TAOK3: variants seen among roughly 807,000 people sequenced by gnomAD.
TAOK3 encodes the protein serine/threonine-protein kinase TAO3.
Under a neutral mutation model 120.4 loss-of-function variants are expected in TAOK3, and 40 were observed. The ratio of observed to expected loss-of-function variants is 0.33; its 90% confidence interval spans 0.26 to 0.43. The LOEUF (loss-of-function observed/expected upper bound fraction) is 0.43. Among genes scored for constraint, TAOK3 ranks in the 20% least tolerant of loss-of-function variants. The pLI, the probability that TAOK3 is intolerant of heterozygous loss-of-function variation, is 1.00. For missense variants in TAOK3, 821 were observed against 1,112.1 expected (o/e 0.74, Z 3.72); for synonymous variants, 355 against 387.5 (o/e 0.92, Z 0.99).
At chr12:118,352,322 G>A (rs2045207138) in intron 1 of TAOK3, among the ~76,000 whole-genome samples, 1 of 151,728 alleles carries the variant, frequency 6.6e-6, no homozygotes, top group Admixed American at 6.6e-5. Flanking sequence ...TGACCAACAT[G>A]GTGAAACCCT....
rs755938398 is a variant in TAOK3, at chr12:118,214,021, C to CATTA, written c.729_732dup (p.Glu245Ter). ...AAAATGATAGCAGAGTCTTACCATT[C>CATTA]ATTAGACTGTAACGTTGGGGAGTCA... On this transcript the variant is annotated stop_gained and frameshift_variant, in exon 10 of 21. Transcript: ENST00000392533. LOFTEE classifies it high-confidence loss of function. The CATTA allele has an allele frequency of 1.2e-6, 2 of 1,608,592 alleles. No individual in the cohort carries two copies. The highest frequency in any genetic ancestry group is 1.7e-6 in the Non-Finnish European group (2 of 1,176,394).
At chr12:118,237,316 A>G (rs952605956) in intron 7 of TAOK3, among the ~76,000 whole-genome samples, 3 of 152,162 alleles carry the variant, frequency 2.0e-5, no homozygotes, top group Non-Finnish European at 2.9e-5. Flanking sequence ...CAGATTCTTC[A>G]TACCTAATAT....
At chr12:118,247,024 T>A (rs2040545380) in intron 3 of TAOK3, 1 of 799,780 alleles carries the variant, frequency 1.3e-6, no homozygotes. Flanking sequence ...ATAAAAGAAT[T>A]TATACCAGAA....
At position 118,321,243 on chromosome 12, in the gene TAOK3, C is replaced by CACACACACACAAACAT. The variant is rs2043691767; in HGVS notation, c.-194+51389_-194+51404dup. ...TAACATGTATACATGCAAATACACA[C>CACACACACACAAACAT]ACACACACACAAACATACACACACA... On this transcript the variant is annotated intron_variant, in intron 1 of 20. Coordinates refer to ENST00000392533, the MANE Select transcript of TAOK3 (RefSeq NM_016281.4). Among the ~76,000 whole-genome samples the CACACACACACAAACAT allele has an allele frequency of 2.0e-5, 3 of 152,076 alleles. No individual in the cohort carries two copies. The South Asian group carries it at 6.2e-4, about 32-fold the overall frequency.
Position 118,160,613 on chromosome 12 carries a change from C to T in TAOK3, c.2140-255G>A, listed in dbSNP as rs1041946984. ...GGGTCAAAGAAAATATGGACTGTTA[C>T]AAGGGGATGACAACTCTAAGCAGAT... On this transcript the variant is annotated intron_variant, in intron 18 of 20. Transcript: ENST00000392533. The surrounding 1 kb of genome is among the most constrained non-coding windows in gnomAD (Gnocchi z 4.2). 2.0e-5 allele frequency among the ~76,000 whole-genome samples: 3 copies of T among 152,150 alleles called. No individual in the cohort carries two copies. Among genetic ancestry groups the T allele is most frequent in the Admixed American group, 6.5e-5 (1 of 15,274 alleles).
chr12:118,166,610 T>C (rs977912748), intron 17 of TAOK3, among the ~76,000 whole-genome samples: 7 of 151,572 alleles, frequency 4.6e-5, no homozygotes, highest in Admixed American at 6.6e-5. Context: ...TGTGATAAAA[T>C]ATTTTGAAGA....
intron 1 of TAOK3, among the ~76,000 whole-genome samples, chr12:118,341,789 C>T (rs2044630860): frequency 6.6e-6 from 1 of 152,176 alleles, no homozygotes; most frequent in South Asian, 2.1e-4. Flanking sequence ...TTTGGGAGGC[C>T]TAGGCAGGTG....
chr12:118,336,226 T>C (rs1420556682), intron 1 of TAOK3, among the ~76,000 whole-genome samples: 1 of 152,174 alleles, frequency 6.6e-6, no homozygotes, highest in African/African-American at 2.4e-5. Context: ...CAGTTTGTGC[T>C]GGTAGAGAGA....
chr12:118,275,240 G>A lies in TAOK3; in HGVS notation c.-193-8481C>T, dbSNP rs537325584. Reference sequence around the variant, plus strand: ...TGTAGCTTCAACCTCTGGGGTTCAAGCAGCCCTCTTGTCTCAGCCTTCCAA... The same window carrying A: ...TGTAGCTTCAACCTCTGGGGTTCAAACAGCCCTCTTGTCTCAGCCTTCCAA... On this transcript the variant is annotated intron_variant, in intron 1 of 20. Transcript: ENST00000392533. 2.6e-4 allele frequency among the ~76,000 whole-genome samples: 40 copies of A among 152,200 alleles called. 1 individual carries two copies. In the South Asian group the frequency reaches 8.1e-3, roughly 31 times the overall value.
chr12:118,320,042 T>C (rs2043635719), intron 1 of TAOK3, among the ~76,000 whole-genome samples: 1 of 152,144 alleles, frequency 6.6e-6, no homozygotes, highest in African/African-American at 2.4e-5. Context: ...GAAGTACTGA[T>C]AGATGTTACA....
chr12:118,230,514 C>T (rs888545314), intron 9 of TAOK3, among the ~76,000 whole-genome samples: 3 of 132,912 alleles, frequency 2.3e-5, no homozygotes, highest in African/African-American at 8.8e-5. Flanking sequence ...CTCTGTCACC[C>T]AGGCTGGAGT....
chr12:118,357,441 C>CT (rs2045444915), intron 1 of TAOK3, among the ~76,000 whole-genome samples: 1 of 152,172 alleles, frequency 6.6e-6, no homozygotes, highest in South Asian at 2.1e-4. Flanking sequence ...TCAGTGTGAT[C>CT]TTTGCAGATC....
chr12:118,256,541 G>A (rs936297262), intron 2 of TAOK3, among the ~76,000 whole-genome samples: 1 of 152,160 alleles, frequency 6.6e-6, no homozygotes, highest in African/African-American at 2.4e-5. Flanking sequence ...TAAACAAAAT[G>A]TGGTATATCC....
chr12:118,227,243 T>G (rs2039549708), intron 9 of TAOK3, among the ~76,000 whole-genome samples: 1 of 147,310 alleles, frequency 6.8e-6, no homozygotes, highest in Non-Finnish European at 1.5e-5. Context: ...ATATTACTTT[T>G]ATATTTTAAT....
intron 1 of TAOK3, among the ~76,000 whole-genome samples, chr12:118,315,886 A>G (rs1397760617): frequency 6.6e-6 from 1 of 152,192 alleles, no homozygotes; most frequent in Non-Finnish European, 1.5e-5. Context: ...CAGATAGTAA[A>G]TAAAGGAGAC....
chr12:118,328,103 G>A (rs12314138), intron 1 of TAOK3, among the ~76,000 whole-genome samples: 3 of 151,658 alleles, frequency 2.0e-5, no homozygotes, highest in Admixed American at 1.3e-4. Flanking sequence ...GCCCAGGCTG[G>A]AGTGCAGTGG....
intron 1 of TAOK3, among the ~76,000 whole-genome samples, chr12:118,335,693 G>T (rs1383424695): frequency 6.6e-6 from 1 of 152,044 alleles, no homozygotes; most frequent in African/African-American, 2.4e-5. Context: ...TTACCCGGGC[G>T]TGGTGGTGGG....
intron 9 of TAOK3, among the ~76,000 whole-genome samples, chr12:118,215,224 G>A (rs1243560508): frequency 2.1e-5 from 3 of 144,762 alleles, no homozygotes; most frequent in East Asian, 4.2e-4. Context: ...GGCCGGGCGC[G>A]GTGGCTCACG....
At chr12:118,256,888 T>G (rs995373010) in intron 2 of TAOK3, among the ~76,000 whole-genome samples, 1 of 152,152 alleles carries the variant, frequency 6.6e-6, no homozygotes, top group African/African-American at 2.4e-5. Flanking sequence ...ACATTTTAAG[T>G]GAGCAAAGGG....
Sources: allele counts gnomAD v4.1 joint callset (sites outside exome capture counted in the v4.1 genomes callset), GRCh38; gene constraint gnomAD v4.1.1; non-coding constraint Gnocchi (gnomAD v3.1); transcripts MANE v1.5; gene names NCBI Gene and HGNC (gene_info 2026-07-23, HGNC 2026-07-21).